Variants in RNFT2 observed in about 807,000 individuals in gnomAD.
RNFT2 encodes ring finger protein, transmembrane 2.
RNFT2 carries 36 observed loss-of-function variants against 53.0 expected under a neutral mutation model. The ratio of observed to expected loss-of-function variants is 0.68; its 90% CI spans 0.52 to 0.90. RNFT2 has a LOEUF of 0.90. RNFT2 is among the 40% of genes least tolerant of loss of function. RNFT2 has a pLI of 0.00. For synonymous variants in RNFT2, 260 were observed against 253.2 expected, an observed-to-expected ratio of 1.03 and a Z score of -0.26; for missense variants, 514 against 585.6, an observed-to-expected ratio of 0.88 and a Z score of 1.26.
At position 116,849,701 on chromosome 12, in the gene RNFT2, A is replaced by G. The variant is rs1182507410; in HGVS notation, c.*253A>G. The G allele has an allele frequency of 1.6e-6, 2 of 1,229,778 alleles. No individual in the cohort carries two copies. Among genetic ancestry groups the G allele is most frequent in the Non-Finnish European group, 2.0e-6 (2 of 984,580 alleles). 76.2% of individuals were successfully genotyped at this position (1,229,778 alleles called of 1,614,324 possible). A position where few individuals can be genotyped will look rare whatever the true frequency, so the allele number is the denominator to read the frequency against. On this transcript the variant is annotated 3_prime_UTR_variant, in exon 11 of 11. Transcript: ENST00000257575. ...CCTAACTCAGACTTGATGCCCTTCT[A>G]GATGCATCTTCCTTCTCCACTCCAA...
At chr12:116,831,078 G>A (rs142757427) in intron 7 of RNFT2, among the ~76,000 whole-genome samples, 2,934 of 151,926 alleles carry the variant, frequency 0.019, 52 homozygotes, top group Middle Eastern at 0.034. Flanking sequence ...TTCAACTTGG[G>A]GCCAGGTGCA....
At chr12:116,816,700 G>A (rs1486584644) in intron 7 of RNFT2, among the ~76,000 whole-genome samples, 1 of 152,156 alleles carries the variant, frequency 6.6e-6, no homozygotes. Context: ...CTGAGCCTCA[G>A]TTTCTCTCAT....
chr12:116,755,924 G>A, intron 5 of RNFT2: 1 of 1,121,964 alleles, frequency 8.9e-7, no homozygotes. Context: ...GAAAAGATAT[G>A]TCCTTATTTT....
intron 3 of RNFT2, among the ~76,000 whole-genome samples, chr12:116,743,000 G>A (rs1871683055): frequency 6.8e-6 from 1 of 146,968 alleles, no homozygotes; most frequent in African/African-American, 2.5e-5. Flanking sequence ...AGGATTGCTT[G>A]AGCCCAGGAG....
intron 7 of RNFT2, among the ~76,000 whole-genome samples, chr12:116,789,236 G>C (rs1385272409): frequency 3.3e-4 from 48 of 146,612 alleles, no homozygotes; most frequent in Non-Finnish European, 4.5e-5. Flanking sequence ...GAGGAGAGTA[G>C]ATGGATGGGT....
intron 7 of RNFT2, among the ~76,000 whole-genome samples, chr12:116,819,568 G>C (rs1422993113): frequency 6.6e-6 from 1 of 152,094 alleles, no homozygotes; most frequent in African/African-American, 2.4e-5. Context: ...GCAGGCGGCC[G>C]GGCCAGCCCG....
Position 116,848,752 on chromosome 12 carries a change from T to A in RNFT2, c.1201-562T>A, listed in dbSNP as rs150030174. Among the ~76,000 whole-genome samples the A allele has an allele frequency of 2.2e-3, 329 of 152,270 alleles. 2 individuals are homozygous for A. In the Middle Eastern group the frequency reaches 0.034, roughly 16 times the overall value. ...CCAAATGTCAGTATCTCCGTAAAGTTGTCCTTAACGTCCCAACCCGCCCAA... is the reference window on the plus strand; with the variant it reads ...CCAAATGTCAGTATCTCCGTAAAGTAGTCCTTAACGTCCCAACCCGCCCAA... On this transcript the variant is annotated intron_variant, in intron 10 of 10. Coordinates refer to ENST00000257575, the MANE Select transcript of RNFT2 (RefSeq NM_001382266.1).
chr12:116,750,809 A>T (rs1264966275), intron 4 of RNFT2, among the ~76,000 whole-genome samples: 3 of 25,212 alleles, frequency 1.2e-4, no homozygotes, highest in Admixed American at 6.8e-4. Context: ...ATATATATAT[A>T]ATATATATAT....
chr12:116,818,902 C>A (rs1458347171), intron 7 of RNFT2, among the ~76,000 whole-genome samples: 2 of 152,202 alleles, frequency 1.3e-5, no homozygotes, highest in Non-Finnish European at 2.9e-5. Flanking sequence ...TACACCAGAG[C>A]AAGGAGGAAC....
intron 7 of RNFT2, among the ~76,000 whole-genome samples, chr12:116,820,174 C>T (rs1185170387): frequency 2.0e-5 from 3 of 152,150 alleles, no homozygotes; most frequent in Admixed American, 6.6e-5. Flanking sequence ...ACTGCAGCCT[C>T]GACTTCCCTG....
chr12:116,784,648 C>T (rs1243029622), intron 7 of RNFT2, among the ~76,000 whole-genome samples: 2 of 152,190 alleles, frequency 1.3e-5, no homozygotes, highest in Admixed American at 6.5e-5. Context: ...CACCTCCCTC[C>T]ACCCCACTGT....
At chr12:116,793,442 C>T (rs568616847) in intron 7 of RNFT2, among the ~76,000 whole-genome samples, 294 of 152,250 alleles carry the variant, frequency 1.9e-3, no homozygotes, top group Non-Finnish European at 3.5e-3. Context: ...CCCACCTCAG[C>T]CTCCCAGAGT....
chr12:116,806,304 A>G (rs1875047508), intron 7 of RNFT2, among the ~76,000 whole-genome samples: 1 of 151,328 alleles, frequency 6.6e-6, no homozygotes, highest in African/African-American at 2.4e-5. Context: ...TGGGAGGTGG[A>G]GGTTGCAGTG....
At chr12:116,826,094 C>T (rs1876318233) in intron 7 of RNFT2, among the ~76,000 whole-genome samples, 1 of 152,050 alleles carries the variant, frequency 6.6e-6, no homozygotes, top group Admixed American at 6.5e-5. Flanking sequence ...GTCTTCAAAT[C>T]ATCTTTCCCA....
intron 6 of RNFT2, among the ~76,000 whole-genome samples, chr12:116,769,092 G>C (rs1244168676): frequency 6.6e-6 from 1 of 152,088 alleles, no homozygotes; most frequent in African/African-American, 2.4e-5. Flanking sequence ...GGGCGCAGTG[G>C]CTCACACCTG....
chr12:116,831,371 CA>C (rs1876637532), intron 7 of RNFT2, among the ~76,000 whole-genome samples: 1 of 152,182 alleles, frequency 6.6e-6, no homozygotes, highest in Non-Finnish European at 1.5e-5. Flanking sequence ...AATGACTTCT[CA>C]CTGGGGATGT....
chr12:116,799,777 C>T (rs1874676563), intron 7 of RNFT2, among the ~76,000 whole-genome samples: 1 of 151,894 alleles, frequency 6.6e-6, no homozygotes, highest in African/African-American at 2.4e-5. Context: ...ATGTACCTGT[C>T]CCTTGGAACT....
chr12:116,832,546 A>T (rs539528068), intron 7 of RNFT2, among the ~76,000 whole-genome samples: 26 of 152,260 alleles, frequency 1.7e-4, no homozygotes, highest in African/African-American at 5.8e-4. Context: ...ATGTGGACAT[A>T]TGTTTTCATT....
chr12:116,808,142 G>T (rs1331262346), intron 7 of RNFT2, among the ~76,000 whole-genome samples: 2 of 152,028 alleles, frequency 1.3e-5, no homozygotes, highest in African/African-American at 2.4e-5. Flanking sequence ...TTTTGTATTT[G>T]TTGTAGAGAT....
Sources: allele counts gnomAD v4.1 joint callset (sites outside exome capture counted in the v4.1 genomes callset), GRCh38; gene constraint gnomAD v4.1.1; transcripts MANE v1.5; gene names NCBI Gene and HGNC (gene_info 2026-07-23, HGNC 2026-07-21).